The following SLCO1A2 variants were observed in gnomAD, a reference collection of about 807,000 sequenced individuals.
SLCO1A2 encodes the protein solute carrier organic anion transporter family member 1A2, also known as OATP-1.
A neutral mutation model predicts 69.0 loss-of-function variants in SLCO1A2; 67 were observed. The observed-to-expected ratio is 0.97, with a 90% confidence interval of 0.80 to 1.19. SLCO1A2 has a LOEUF of 1.19. SLCO1A2 is among the 50% of genes most tolerant of loss of function. The probability of loss-of-function intolerance (pLI) is 0.00; values close to 1 mark genes in which losing one functional copy is unlikely to be tolerated. For synonymous variants in SLCO1A2, 260 were observed against 265.9 expected (o/e 0.98, Z 0.22); for missense variants, 787 against 793.7 (o/e 0.99, Z 0.10).
At position 21,304,581 on chromosome 12, in the gene SLCO1A2, A is replaced by C; in HGVS notation, c.443-8T>G. 3 of 673,358 alleles carry C rather than the reference A, an allele frequency of 4.5e-6. No homozygotes were observed. The highest frequency in any genetic ancestry group is 5.7e-6 in the Non-Finnish European group (3 of 522,568). 41.7% of individuals were successfully genotyped at this position (673,358 alleles called of 1,614,324 possible). ...TAACTTCCTTTGTACACTCTGCATT[A>C]AAAAAAAAAGACATGACATTAGTGC... On this transcript the variant is annotated splice_region_variant and splice_polypyrimidine_tract_variant and intron_variant, in intron 5 of 14. Coordinates refer to ENST00000683939, the MANE Select transcript of SLCO1A2 (RefSeq NM_001386879.1).
chr12:21,312,619 C>T (rs908960380), intron 4 of SLCO1A2, among the ~76,000 whole-genome samples: 2 of 152,114 alleles, frequency 1.3e-5, no homozygotes, highest in African/African-American at 4.8e-5. Context: ...CTCTTTCTTT[C>T]ACTTCAACAC....
intron 2 of SLCO1A2, among the ~76,000 whole-genome samples, chr12:21,347,701 A>AAGGAAGTAAGGAAGGAAGGAAGGAAGG (rs1565510480): frequency 7.1e-5 from 5 of 70,640 alleles, no homozygotes; most frequent in African/African-American, 3.0e-4. Context: ...AGGAAGGAAG[A>AAGGAAGTAAGGAAGGAAGGAAGGAAGG]AGGAAAAAAG....
At chr12:21,412,155 C>T (rs576873506) in intron 1 of SLCO1A2, among the ~76,000 whole-genome samples, 61 of 152,168 alleles carry the variant, frequency 4.0e-4, no homozygotes, top group African/African-American at 1.3e-3. Context: ...CCAAGGCGGG[C>T]GGATCACCTG....
At chr12:21,391,077 A>C (rs1466035046) in intron 1 of SLCO1A2, among the ~76,000 whole-genome samples, 1 of 152,154 alleles carries the variant, frequency 6.6e-6, no homozygotes, top group African/African-American at 2.4e-5. Context: ...AAAATGTGTA[A>C]ATTTCTGAAA....
chr12:21,390,922 T>G (rs546614386), intron 1 of SLCO1A2, among the ~76,000 whole-genome samples: 1 of 152,310 alleles, frequency 6.6e-6, no homozygotes, highest in South Asian at 2.1e-4. Context: ...TTCAGCTCTG[T>G]CTTGTCTTTG....
chr12:21,326,166 T>C (rs1447199521), intron 2 of SLCO1A2, among the ~76,000 whole-genome samples: 2 of 152,192 alleles, frequency 1.3e-5, no homozygotes, highest in Non-Finnish European at 2.9e-5. Flanking sequence ...ATGTAAGACA[T>C]GCCTTTGCTC....
intron 1 of SLCO1A2, among the ~76,000 whole-genome samples, chr12:21,389,570 C>T (rs1941052239): frequency 1.3e-5 from 2 of 151,962 alleles, no homozygotes; most frequent in Admixed American, 6.6e-5. Context: ...TCTTATGTAT[C>T]CATATGAAGA....
At chr12:21,402,582 ATTC>A (rs1941742004) in intron 1 of SLCO1A2, among the ~76,000 whole-genome samples, 2 of 152,106 alleles carry the variant, frequency 1.3e-5, no homozygotes, top group African/African-American at 4.8e-5. Flanking sequence ...TGTTTCTGGC[ATTC>A]CACTTTTGGA....
At chr12:21,398,165 G>T (rs1216190756), upstream of SLCO1A2, among the ~76,000 whole-genome samples, 2 of 149,732 alleles carry the variant, frequency 1.3e-5, no homozygotes, top group East Asian at 1.9e-4. Flanking sequence ...GAATCAAATA[G>T]ATGCAATAAA....
At chr12:21,360,835 G>A (rs1190299704) in intron 2 of SLCO1A2, among the ~76,000 whole-genome samples, 1 of 152,200 alleles carries the variant, frequency 6.6e-6, no homozygotes, top group Non-Finnish European at 1.5e-5. Context: ...AGCAAGGCTG[G>A]GGGAGGGGCG....
rs1394834414 is a variant in SLCO1A2 at position 21,297,491 on chromosome 12, T to G, written c.988A>C (p.Asn330His). The G allele has an allele frequency of 1.2e-6, 2 of 1,611,696 alleles. No homozygotes were observed. The highest frequency in any genetic ancestry group is 1.1e-5 in the South Asian group (1 of 90,932). Reference protein sequence around the residue: ...LFILVSVIQFNAFVNMISFMP... With the variant: ...LFILVSVIQFHAFVNMISFMP... ...AAGGAGATCATGTTAACGAATGCAT[T>G]GAACTGTATCACACTTACAAGTATG... is the stretch of plus-strand genomic sequence containing the variant. The change falls in exon 9 of 15, where the codon AAT becomes CAT. Residue 330 changes from asparagine (N) to histidine (H), a missense_variant. Transcript: ENST00000683939.
At chr12:21,323,855 C>T (rs1951950429) in intron 2 of SLCO1A2, among the ~76,000 whole-genome samples, 1 of 152,168 alleles carries the variant, frequency 6.6e-6, no homozygotes, top group Non-Finnish European at 1.5e-5. Flanking sequence ...AATTCACTTC[C>T]TCAAACCTAG....
chr12:21,283,976 T>C (rs538240640), intron 12 of SLCO1A2, among the ~76,000 whole-genome samples: 1 of 152,236 alleles, frequency 6.6e-6, no homozygotes, highest in South Asian at 2.1e-4. Flanking sequence ...TGTAAATAAG[T>C]ACAACTACTA....
chr12:21,404,846 C>T (rs975364247), intron 1 of SLCO1A2, among the ~76,000 whole-genome samples: 5 of 152,174 alleles, frequency 3.3e-5, no homozygotes, highest in Non-Finnish European at 7.4e-5. Flanking sequence ...AATTTACATT[C>T]CCACCAACAG....
chr12:21,285,660 A>G (rs1207056755), intron 12 of SLCO1A2, among the ~76,000 whole-genome samples: 5 of 136,698 alleles, frequency 3.7e-5, no homozygotes, highest in Non-Finnish European at 7.9e-5. Flanking sequence ...CTTATCCACC[A>G]TGATCAAGTG....
rs113107363 is a variant in SLCO1A2, at chr12:21,380,898, G to A, written c.-189-6373C>T. On this transcript the variant is annotated intron_variant, in intron 1 of 15. Coordinates refer to the SLCO1A2 transcript ENST00000307378. ...CCATGCCCCCACTGCCCCAGCCCCC[G>A]ACCAAGAATTATCAGGCGACTATCA... is the stretch of plus-strand genomic sequence containing the variant. Among the ~76,000 whole-genome samples, 12 of 12,716 alleles carry A rather than the reference G, an allele frequency of 9.4e-4. 1 individual carries two copies. The highest frequency in any genetic ancestry group is 6.1e-3 in the East Asian group (3 of 488). The allele number at this position is 12,716 out of a possible 152,430, so 8.3% of individuals were successfully genotyped here. A position where few individuals can be genotyped will look rare whatever the true frequency, so the allele number is the denominator to read the frequency against.
intron 2 of SLCO1A2, among the ~76,000 whole-genome samples, chr12:21,351,218 A>C (rs1447931313): frequency 6.6e-6 from 1 of 152,172 alleles, no homozygotes; most frequent in Non-Finnish European, 1.5e-5. Context: ...ACATGGCAAA[A>C]TGTGTTTTGT....
At chr12:21,409,926 G>A (rs1941880605) in intron 1 of SLCO1A2, among the ~76,000 whole-genome samples, 1 of 152,044 alleles carries the variant, frequency 6.6e-6, no homozygotes, top group Non-Finnish European at 1.5e-5. Context: ...TTTTTCCTGT[G>A]CTCTATTTTT....
chr12:21,346,197 AG>A (rs2136996223), intron 2 of SLCO1A2, among the ~76,000 whole-genome samples: 1 of 152,318 alleles, frequency 6.6e-6, no homozygotes, highest in African/African-American at 2.4e-5. Context: ...CGTATGTTTA[AG>A]AGAAGCCATA....
Sources: gnomAD v4.1 joint callset for allele counts (sites outside exome capture counted in the v4.1 genomes callset) on GRCh38, gnomAD v4.1.1 for gene constraint, MANE v1.5 for transcripts, NCBI Gene and HGNC (gene_info 2026-07-23, HGNC 2026-07-21) for gene names.